The following MTOR variants were observed in gnomAD, a reference collection of about 807,000 sequenced individuals.
MTOR encodes the protein mechanistic target of rapamycin kinase.
MTOR carries 70 observed loss-of-function variants against 319.8 expected under a neutral mutation model. The observed-to-expected ratio is 0.22, with a 90% confidence interval of 0.18 to 0.27. The LOEUF (loss-of-function observed/expected upper bound fraction) is 0.27, where lower values mean the gene tolerates loss of function less well. Ranked by LOEUF, MTOR falls within the 10% of genes least tolerant of loss-of-function variation. The probability of loss-of-function intolerance (pLI) is 1.00; values close to 1 mark genes in which losing one functional copy is unlikely to be tolerated. For synonymous variants in MTOR, 1,183 were observed against 1,211.4 expected (o/e 0.98, Z 0.49); for missense variants, 1,890 against 3,274.4 (o/e 0.58, Z 10.32).
chr1:11,244,963 A>G (rs1648625832), intron 8 of MTOR, among the ~76,000 whole-genome samples: 1 of 152,196 alleles, frequency 6.6e-6, no homozygotes, highest in Non-Finnish European at 1.5e-5. Context: ...CCTAAGACGC[A>G]TTTCTCAGAA....
intron 28 of MTOR, among the ~76,000 whole-genome samples, chr1:11,190,284 A>G (rs888298974): frequency 1.3e-5 from 2 of 152,190 alleles, no homozygotes; most frequent in Non-Finnish European, 2.9e-5. Context: ...CCTCACCAAG[A>G]GCTGACAGGC....
intron 5 of MTOR, 107 bp downstream of exon 5, chr1:11,255,885 A>G (rs1282185242): frequency 1.6e-5 from 18 of 1,094,658 alleles, no homozygotes; most frequent in Non-Finnish European, 2.2e-5. Flanking sequence ...GAGCAAACCA[A>G]AACGTGATTC....
At position 11,247,809 on chromosome 1, in the gene MTOR, C is replaced by T. The variant is rs372099825; in HGVS notation, c.1116+10G>A. 89 of 1,610,338 alleles carry T rather than the reference C, an allele frequency of 5.5e-5. No homozygotes were observed. The highest frequency in any genetic ancestry group is 7.4e-5 in the Non-Finnish European group (87 of 1,176,972). ...TTAGGAAAAGAGGGAAAGGGCCTCTCACCACTTACCTGATCAAATTTCTCC... is the reference window on the plus strand; with the variant it reads ...TTAGGAAAAGAGGGAAAGGGCCTCTTACCACTTACCTGATCAAATTTCTCC... On this transcript the variant is annotated intron_variant, in intron 7 of 57. Coordinates refer to ENST00000361445, the MANE Select transcript of MTOR (RefSeq NM_004958.4).
intron 3 of MTOR, among the ~76,000 whole-genome samples, chr1:11,257,764 C>G (rs966243196): frequency 6.6e-6 from 1 of 152,086 alleles, no homozygotes; most frequent in Non-Finnish European, 1.5e-5. Context: ...GGGAAAACAA[C>G]TGGGACTGGA....
rs1429619787 is a variant in MTOR, at chr1:11,109,672, A to G, written c.7424T>C (p.Val2475Ala). The part of the protein sequence containing the change: ...EPAHKKTGTT[V>A]PESIHSFIGD... Reference sequence around the variant, plus strand: ...ACTGAAAGAATGAATAGATTCTGGCACTGTGGTCCCCGTTTTCTTATGGGC... The same window carrying G: ...ACTGAAAGAATGAATAGATTCTGGCGCTGTGGTCCCCGTTTTCTTATGGGC... Residue 2475 changes from valine to alanine, a missense_variant, in exon 55 of 58, where the codon GTG becomes GCG. Physicochemically the swap from Val to Ala is moderately conservative, Grantham distance 64. Coordinates refer to ENST00000361445, the MANE Select transcript of MTOR (RefSeq NM_004958.4). The surrounding 1 kb of genome is among the most constrained non-coding windows in gnomAD (Gnocchi z 4.0). 1 of 1,614,168 alleles carries G rather than the reference A, an allele frequency of 6.2e-7. No individual in the cohort carries two copies. Among genetic ancestry groups the G allele is most frequent in the East Asian group, 2.2e-5 (1 of 44,886 alleles).
At chr1:11,118,622 T>C (rs1393118110) in intron 49 of MTOR, among the ~76,000 whole-genome samples, 5 of 147,716 alleles carry the variant, frequency 3.4e-5, no homozygotes, top group East Asian at 2.0e-4. Flanking sequence ...CTTCTTCTTT[T>C]TTTTTTTTTT....
rs1275355943 is a variant in MTOR, at chr1:11,106,928, G to C, written c.*557C>G. On this transcript the variant is annotated 3_prime_UTR_variant, in exon 58 of 58. Transcript: ENST00000361445. ...GCATCACTGGGTCTGATGGAAGACA[G>C]ACCTTTTGTACTCATTTTGGCCTAT... is the stretch of plus-strand genomic sequence containing the variant. The C allele has an allele frequency of 7.3e-7, 1 of 1,370,006 alleles. No individual in the cohort carries two copies. The highest frequency in any genetic ancestry group is 1.4e-5 in the African/African-American group (1 of 69,872). The allele number at this position is 1,370,006 out of a possible 1,614,324, so 84.9% of individuals were successfully genotyped here.
At chr1:11,248,170 C>G in intron 6 of MTOR, 76 bp from the exon 7 acceptor site, 1 of 1,438,836 alleles carries the variant, frequency 7.0e-7, no homozygotes, top group Non-Finnish European at 9.4e-7. Flanking sequence ...ATTCTACAGA[C>G]AATTACATTT....
intron 19 of MTOR, among the ~76,000 whole-genome samples, chr1:11,217,949 G>C (rs1489531482): frequency 6.6e-6 from 1 of 152,072 alleles, no homozygotes; most frequent in Non-Finnish European, 1.5e-5. Flanking sequence ...GCTTAAAGAA[G>C]AGTTTGAACA....
chr1:11,260,445 G>A (rs568284750), intron 1 of MTOR, among the ~76,000 whole-genome samples: 6 of 152,122 alleles, frequency 3.9e-5, no homozygotes, highest in African/African-American at 1.4e-4. Context: ...GGGAGGTTGA[G>A]GCAGGAGAAT....
intron 20 of MTOR, 119 bp downstream of exon 20, chr1:11,216,029 T>G: frequency 1.5e-6 from 1 of 653,008 alleles, no homozygotes; most frequent in Non-Finnish European, 2.6e-6. Flanking sequence ...CCACTTCCTG[T>G]ACTAAGACTG....
At position 11,212,659 on chromosome 1, in the gene MTOR, G is replaced by A. The variant is rs1646349005; in HGVS notation, c.3398+137C>T. The A allele has an allele frequency of 9.4e-7, 1 of 1,063,872 alleles. No individual in the cohort carries two copies. The highest frequency in any genetic ancestry group is 1.6e-5 in the African/African-American group (1 of 62,556). The allele number at this position is 1,063,872 out of a possible 1,614,324, so 65.9% of individuals were successfully genotyped here. Reference sequence around the variant, plus strand: ...GGACAGTTAAGATTTCCATAAACCTGGGATATTTCTAGACTAAAATAATGT... The same window carrying A: ...GGACAGTTAAGATTTCCATAAACCTAGGATATTTCTAGACTAAAATAATGT... On this transcript the variant is annotated intron_variant, in intron 22 of 57. Coordinates refer to ENST00000361445, the MANE Select transcript of MTOR (RefSeq NM_004958.4). The surrounding 1 kb of genome is among the most constrained non-coding windows in gnomAD (Gnocchi z 4.1).
At chr1:11,148,157 T>C (rs1201264917) in intron 31 of MTOR, among the ~76,000 whole-genome samples, 1 of 151,876 alleles carries the variant, frequency 6.6e-6, no homozygotes, top group Non-Finnish European at 1.5e-5. Flanking sequence ...CATGGGGAGC[T>C]CCAGCAACCA....
chr1:11,167,153 G>A (rs1644670708), intron 29 of MTOR, among the ~76,000 whole-genome samples: 1 of 151,968 alleles, frequency 6.6e-6, no homozygotes, highest in Non-Finnish European at 1.5e-5. Context: ...TAAATGACGA[G>A]TTAATGGGTG....
intron 28 of MTOR, among the ~76,000 whole-genome samples, chr1:11,182,406 A>G (rs192102662): frequency 1.3e-5 from 2 of 152,326 alleles, no homozygotes; most frequent in Admixed American, 1.3e-4. Context: ...TTGGTACAAT[A>G]CTACTACTTG....
chr1:11,209,542 C>G, intron 24 of MTOR, 84 bp from the exon 25 acceptor site: 1 of 1,516,220 alleles, frequency 6.6e-7, no homozygotes, highest in Non-Finnish European at 9.0e-7. Flanking sequence ...TTGGGAGGTG[C>G]AGACCTGGTA....
intron 56 of MTOR, 115 bp from the exon 57 acceptor site, chr1:11,108,401 G>T: frequency 1.2e-6 from 1 of 839,182 alleles, no homozygotes; most frequent in Non-Finnish European, 1.9e-6. Flanking sequence ...TGAAGATGAA[G>T]GATACCATCA....
At chr1:11,155,242 T>C (rs1644280524) in intron 30 of MTOR, among the ~76,000 whole-genome samples, 1 of 152,218 alleles carries the variant, frequency 6.6e-6, no homozygotes, top group African/African-American at 2.4e-5. Flanking sequence ...GCAGTAGCTC[T>C]ACAGGTGCTG....
In MTOR at chr1:11,253,846, T is replaced by G; in HGVS notation, c.833A>C (p.Glu278Ala). 1 of 1,614,108 alleles carries G rather than the reference T, an allele frequency of 6.2e-7. No individual in the cohort carries two copies. Among genetic ancestry groups the G allele is most frequent in the Non-Finnish European group, 8.5e-7 (1 of 1,180,000 alleles). ...TCTGCCGTGGCTTCTCACCTCTCCC[T>G]CCATGCTGCTGATTCGGACCAGCTC... ...LNELVRISSM[E>A]GERLREEMEE... The change falls in exon 6 of 58, where the codon GAG (glutamate) becomes GCG (alanine). Residue 278 changes from glutamate to alanine, a missense_variant. Glu to Ala is a moderately radical substitution (Grantham distance 107). This residue lies in a region of MTOR where 418 missense variants were observed against 543.1 expected (regional missense o/e 0.77). Coordinates refer to ENST00000361445, the MANE Select transcript of MTOR (RefSeq NM_004958.4).
Sources: allele counts gnomAD v4.1 joint callset (sites outside exome capture counted in the v4.1 genomes callset), GRCh38; gene constraint gnomAD v4.1.1; regional missense constraint gnomAD v4.1.1; non-coding constraint Gnocchi (gnomAD v3.1); transcripts MANE v1.5; gene names NCBI Gene and HGNC (gene_info 2026-07-23, HGNC 2026-07-21).